The following EPM2A variants were observed in gnomAD, a reference collection of about 807,000 sequenced individuals.
EPM2A encodes EPM2A glucan phosphatase, laforin.
A neutral mutation model predicts 26.5 loss-of-function variants in EPM2A; 21 were observed. That is an observed-to-expected ratio of 0.79 (90% CI 0.56 to 1.14). EPM2A has a LOEUF of 1.14. Among genes scored for constraint, EPM2A ranks in the 50% most tolerant of loss-of-function variants. EPM2A has a pLI of 0.00. For missense variants in EPM2A, 458 were observed against 440.8 expected, an observed-to-expected ratio of 1.04 and a Z score of -0.35; for synonymous variants, 217 against 177.6, an observed-to-expected ratio of 1.22 and a Z score of -1.76.
At chr6:145,415,263 G>C (rs998528306) in intron 4 of EPM2A, among the ~76,000 whole-genome samples, 1 of 152,158 alleles carries the variant, frequency 6.6e-6, no homozygotes, top group African/African-American at 2.4e-5. Flanking sequence ...GACAATGTAC[G>C]GTTTTCACCT....
At chr6:145,487,518 T>C (rs1183177905) in intron 4 of EPM2A, among the ~76,000 whole-genome samples, 2 of 152,222 alleles carry the variant, frequency 1.3e-5, no homozygotes, top group Non-Finnish European at 2.9e-5. Flanking sequence ...TTTTTTCACT[T>C]TTTAATAATT....
chr6:145,612,328 A>G (rs1474124503), intron 2 of EPM2A, among the ~76,000 whole-genome samples: 1 of 152,204 alleles, frequency 6.6e-6, no homozygotes, highest in Non-Finnish European at 1.5e-5. Context: ...TAAAATGGGT[A>G]GAAATACAAA....
At position 145,662,707 on chromosome 6, in the gene EPM2A, A is replaced by G. The variant is rs193180624; in HGVS notation, c.476+23415T>C. 2.2e-4 allele frequency among the ~76,000 whole-genome samples: 33 copies of G among 152,324 alleles called. No homozygotes were observed. In the East Asian group the frequency reaches 5.8e-3, roughly 27 times the overall value. The stretch of plus-strand genomic sequence containing the variant: ...TAAACCTATCCACAGGATTCTCACT[A>G]AAGTCATGTCAGGGGGATCAGATAT... On this transcript the variant is annotated intron_variant, in intron 2 of 3. Coordinates refer to ENST00000367519, the MANE Select transcript of EPM2A (RefSeq NM_005670.4).
intron 2 of EPM2A, among the ~76,000 whole-genome samples, chr6:145,522,154 A>G (rs1260790565): frequency 6.6e-6 from 1 of 152,026 alleles, no homozygotes; most frequent in Non-Finnish European, 1.5e-5. Context: ...GGGTTTCACC[A>G]TGTTAGCCAG....
At chr6:145,698,424 G>A (rs995404046) in intron 1 of EPM2A, among the ~76,000 whole-genome samples, 2 of 152,042 alleles carry the variant, frequency 1.3e-5, no homozygotes. Context: ...CCTCCAGTGG[G>A]GATCTTTGAG....
At chr6:145,682,559 T>A (rs148759805) in intron 2 of EPM2A, 13 of 152,318 alleles carry the variant, frequency 8.5e-5, no homozygotes, top group African/African-American at 3.1e-4. Context: ...AATATTTAAC[T>A]GTATTGCAGC....
chr6:145,574,656 C>T (rs1781005644), intron 2 of EPM2A, among the ~76,000 whole-genome samples: 1 of 152,194 alleles, frequency 6.6e-6, no homozygotes, highest in Non-Finnish European at 1.5e-5. Context: ...ACTCCCTAAG[C>T]CTTTGGATCC....
At chr6:145,589,911 G>T (rs1161641129) in intron 2 of EPM2A, among the ~76,000 whole-genome samples, 1 of 147,354 alleles carries the variant, frequency 6.8e-6, no homozygotes, top group Non-Finnish European at 1.5e-5. Flanking sequence ...AGAAAAAAAA[G>T]AAAGAATACT....
chr6:145,407,738 A>G (rs560136456), intron 4 of EPM2A, among the ~76,000 whole-genome samples: 2 of 152,292 alleles, frequency 1.3e-5, no homozygotes, highest in Admixed American at 1.3e-4. Context: ...TAGAATATGA[A>G]CCTTTTATTC....
At chr6:145,491,662 T>A (rs1351440289) in intron 4 of EPM2A, 1 of 393,672 alleles carries the variant, frequency 2.5e-6, no homozygotes, top group African/African-American at 2.1e-5. Flanking sequence ...CACTTTGGGT[T>A]GCTGTCCCAG....
At chr6:145,636,061 G>A (rs1458369565) in intron 2 of EPM2A, 1 of 152,450 alleles carries the variant, frequency 6.6e-6, no homozygotes, top group Admixed American at 6.5e-5. Flanking sequence ...ATGCTGCAAG[G>A]TAAGAAGGAG....
At chr6:145,458,788 C>T (rs997803867) in intron 4 of EPM2A, among the ~76,000 whole-genome samples, 3 of 131,944 alleles carry the variant, frequency 2.3e-5, no homozygotes, top group Non-Finnish European at 4.7e-5. Flanking sequence ...TGTTGCCAGG[C>T]AATTTCTTCA....
chr6:145,460,230 C>T (rs934515017), intron 4 of EPM2A, among the ~76,000 whole-genome samples: 3 of 152,118 alleles, frequency 2.0e-5, no homozygotes, highest in African/African-American at 4.8e-5. Context: ...GAGATTTACA[C>T]TGAATATGTT....
rs188440792 is a variant in EPM2A at position 145,430,584 on chromosome 6, G to A, written c.556-46487C>T. Among the ~76,000 whole-genome samples the A allele has an allele frequency of 6.3e-3, 892 of 142,116 alleles. 6 individuals are homozygous for A. Among genetic ancestry groups the A allele is most frequent in the African/African-American group, 0.023 (857 of 37,778 alleles). The allele number at this position is 142,116 out of a possible 152,430, so 93.2% of individuals were successfully genotyped here. The stretch of plus-strand genomic sequence containing the variant: ...CCACTGCACTCCAGCCTGGGTGACA[G>A]AGCAAGACTCCATCTCAAGAAAAAA... On this transcript the variant is annotated intron_variant, in intron 4 of 4. Coordinates refer to the EPM2A transcript ENST00000638717.
chr6:145,641,028 T>G (rs1442102294), intron 2 of EPM2A: 1 of 152,240 alleles, frequency 6.6e-6, no homozygotes, highest in Non-Finnish European at 1.5e-5. Context: ...AGTTAATTTC[T>G]GTAAGTCCAG....
chr6:145,587,953 A>T (rs1252673047), intron 2 of EPM2A, among the ~76,000 whole-genome samples: 1 of 152,212 alleles, frequency 6.6e-6, no homozygotes, highest in Non-Finnish European at 1.5e-5. Context: ...TTCTGAATTA[A>T]TATTATGCAT....
rs115113414 is a variant in EPM2A, at chr6:145,423,918, T to A, written c.556-39821A>T. Reference sequence around the variant, plus strand: ...TTCCACAGCTAAGAACTGTAGAATATGTTATTGGGCTGGGGACAAAGTAGG... The same window carrying A: ...TTCCACAGCTAAGAACTGTAGAATAAGTTATTGGGCTGGGGACAAAGTAGG... On this transcript the variant is annotated intron_variant, in intron 4 of 4. Coordinates refer to the EPM2A transcript ENST00000638717. 7.8e-3 allele frequency among the ~76,000 whole-genome samples: 1,191 copies of A among 152,306 alleles called. 11 individuals carry two copies. The highest frequency in any genetic ancestry group is 0.028 in the African/African-American group (1,146 of 41,552).
At chr6:145,687,101 G>C (rs1780975755) in intron 1 of EPM2A, among the ~76,000 whole-genome samples, 1 of 152,032 alleles carries the variant, frequency 6.6e-6, no homozygotes, top group African/African-American at 2.4e-5. Flanking sequence ...GAATGTTTTT[G>C]TCCCCCCAAA....
At chr6:145,401,613 G>A (rs752795108) in intron 4 of EPM2A, among the ~76,000 whole-genome samples, 4 of 152,066 alleles carry the variant, frequency 2.6e-5, no homozygotes, top group East Asian at 1.9e-4. Context: ...TGAGGAATGA[G>A]GTAAAATTAA....
Sources: allele counts gnomAD v4.1 joint callset (sites outside exome capture counted in the v4.1 genomes callset), GRCh38; gene constraint gnomAD v4.1.1; transcripts MANE v1.5; gene names NCBI Gene and HGNC (gene_info 2026-07-23, HGNC 2026-07-21).